Variants in NCAM1 observed in about 807,000 individuals in gnomAD.
NCAM1 encodes antigen recognized by monoclonal antibody 5.1H11.
In NCAM1, 14 loss-of-function variants were observed where a neutral mutation model predicts 109.8. The observed-to-expected ratio is 0.13, with a 90% CI of 0.08 to 0.20. The LOEUF (loss-of-function observed/expected upper bound fraction) is 0.20, where lower values mean the gene tolerates loss of function less well. Ranked by LOEUF, NCAM1 falls within the 10% of genes least tolerant of loss-of-function variation. The pLI is 1.00. For synonymous variants in NCAM1, 418 were observed against 442.9 expected, an observed-to-expected ratio of 0.94 and a Z score of 0.70; for missense variants, 774 against 1,109.9, an observed-to-expected ratio of 0.70 and a Z score of 4.30.
intron 1 of NCAM1, among the ~76,000 whole-genome samples, chr11:112,970,221 G>C (rs1950841515): frequency 6.6e-6 from 1 of 152,210 alleles, no homozygotes; most frequent in African/African-American, 2.4e-5. Context: ...TAAGAGGATA[G>C]TTAACAATAG....
intron 1 of NCAM1, among the ~76,000 whole-genome samples, chr11:113,135,007 G>A (rs1941546593): frequency 6.6e-6 from 1 of 151,956 alleles, no homozygotes; most frequent in Non-Finnish European, 1.5e-5. Flanking sequence ...CAGGGCTATG[G>A]GAACAAGACC....
rs1555112433 is a variant in NCAM1, at chr11:113,204,295, A to G, written c.137A>G (p.Asp46Gly). 3.1e-6 allele frequency: 5 copies of G among 1,610,408 alleles called. No homozygotes were observed. The change falls in exon 3 of 20, where the codon GAT becomes GGT. Residue 46 changes from aspartate to glycine, a missense_variant. Transcript: ENST00000316851. ...SKFFLCQVAG[D>G]AKDKDISWFS... ...ATCTCTTCCTCTTTAGTGGCAGGAG[A>G]TGCCAAAGATAAAGACATCTCCTGG... is the stretch of plus-strand genomic sequence containing the variant.
intron 1 of NCAM1, among the ~76,000 whole-genome samples, chr11:113,167,175 C>A (rs1172069512): frequency 6.6e-6 from 1 of 152,204 alleles, no homozygotes; most frequent in East Asian, 1.9e-4. Flanking sequence ...TGTGAAGAAT[C>A]CAGAACCCTG....
chr11:113,047,041 A>C (rs183079663), intron 1 of NCAM1, among the ~76,000 whole-genome samples: 1 of 152,236 alleles, frequency 6.6e-6, no homozygotes, highest in African/African-American at 2.4e-5. Flanking sequence ...CATGTAAACA[A>C]CATTTGCTGA....
rs1946407941 is a variant in NCAM1, at chr11:113,276,847, A to T, written c.*1460A>T. ...TAAGGGGGATGGGAGGGGGGGGAGA[A>T]GGGAAAAGCCAGCCCTTTGTATAGA... On this transcript the variant is annotated 3_prime_UTR_variant, in exon 20 of 20. Transcript: ENST00000316851. The T allele has an allele frequency of 6.6e-6, 1 of 152,120 alleles. No individual in the cohort carries two copies. Among genetic ancestry groups the T allele is most frequent in the Admixed American group, 6.6e-5 (1 of 15,230 alleles). The allele number at this position is 152,120 out of a possible 1,614,324, so 9.4% of individuals were successfully genotyped here. A position where few individuals can be genotyped will look rare whatever the true frequency, so the allele number is the denominator to read the frequency against.
intron 1 of NCAM1, among the ~76,000 whole-genome samples, chr11:113,100,553 G>A (rs782350304): frequency 3.9e-5 from 6 of 152,122 alleles, no homozygotes; most frequent in Non-Finnish European, 8.8e-5. Flanking sequence ...GTGGGATGGA[G>A]AGCTGGAAAG....
chr11:113,210,222 G>A (rs116595954), intron 7 of NCAM1, among the ~76,000 whole-genome samples: 13 of 152,254 alleles, frequency 8.5e-5, no homozygotes, highest in African/African-American at 3.1e-4. Flanking sequence ...TCAAACACAA[G>A]CAGAACACCT....
Position 112,962,472 on chromosome 11 carries a change from A to C in NCAM1, c.52+808A>C, listed in dbSNP as rs1950596838. 6.6e-6 allele frequency among the ~76,000 whole-genome samples: 1 copy of C among 151,854 alleles called. No homozygotes were observed. The highest frequency in any genetic ancestry group is 2.1e-4 in the South Asian group (1 of 4,808). On this transcript the variant is annotated intron_variant, in intron 1 of 19. Coordinates refer to ENST00000316851, the MANE Select transcript of NCAM1 (RefSeq NM_181351.5). This position sits in a 1 kb window ranked among gnomAD's most constrained non-coding sequence, Gnocchi z 5.6. ...CGCGTGTGCGCGCGTGTGTCTTTAC[A>C]CGCGCCGCGTGCCCAGTGTTGCACG...
chr11:113,210,775 AACACACAC>A (rs35387760), intron 7 of NCAM1, among the ~76,000 whole-genome samples: 1,561 of 130,970 alleles, frequency 0.012, 10 homozygotes, highest in Admixed American at 0.032. Flanking sequence ...CTTCATCACA[AACACACAC>A]ACACACACAC....
chr11:113,228,963 C>G (rs1944925605), intron 9 of NCAM1, among the ~76,000 whole-genome samples: 4 of 152,212 alleles, frequency 2.6e-5, no homozygotes, highest in South Asian at 2.1e-4. Context: ...AATGTTAGAC[C>G]TAAAACCATA....
At chr11:113,136,822 C>T (rs576951783) in intron 1 of NCAM1, among the ~76,000 whole-genome samples, 1 of 152,170 alleles carries the variant, frequency 6.6e-6, no homozygotes, top group South Asian at 2.1e-4. Flanking sequence ...GGAAGGCCGG[C>T]AATAGACAAC....
In NCAM1 at chr11:113,242,086, C is replaced by A. The variant is rs139366282; in HGVS notation, c.1826-4282C>A. 9.9e-3 allele frequency among the ~76,000 whole-genome samples: 1,511 copies of A among 152,330 alleles called. 22 individuals carry two copies. Among genetic ancestry groups the A allele is most frequent in the African/African-American group, 0.034 (1,407 of 41,564 alleles). On this transcript the variant is annotated intron_variant, in intron 14 of 19. Transcript: ENST00000316851. Reference sequence around the variant, plus strand: ...CCATAACCTAGGATAAGTCGCTAAGCCTCCCCAAGTCTCAGATTTCTTACC... The same window carrying A: ...CCATAACCTAGGATAAGTCGCTAAGACTCCCCAAGTCTCAGATTTCTTACC...
chr11:113,058,537 A>G (rs1310437871), intron 1 of NCAM1, among the ~76,000 whole-genome samples: 1 of 152,156 alleles, frequency 6.6e-6, no homozygotes, highest in African/African-American at 2.4e-5. Flanking sequence ...GCCTGTATTT[A>G]TAGACTCTTT....
intron 1 of NCAM1, among the ~76,000 whole-genome samples, chr11:113,064,723 C>T (rs1430397763): frequency 6.6e-6 from 1 of 152,128 alleles, no homozygotes; most frequent in Non-Finnish European, 1.5e-5. Context: ...AGCAAATTCT[C>T]ATGGATCACC....
At chr11:113,226,449 C>A (rs1027438107) in intron 9 of NCAM1, among the ~76,000 whole-genome samples, 1 of 152,176 alleles carries the variant, frequency 6.6e-6, no homozygotes, top group South Asian at 2.1e-4. Context: ...TAGAGGCCTA[C>A]GAAGAGGCTT....
At chr11:113,187,287 G>C (rs1943535279) in intron 1 of NCAM1, among the ~76,000 whole-genome samples, 1 of 152,172 alleles carries the variant, frequency 6.6e-6, no homozygotes, top group African/African-American at 2.4e-5. Context: ...CAAGACAAGA[G>C]CCAACCCTAG....
chr11:113,134,435 G>A (rs782163582), intron 1 of NCAM1, among the ~76,000 whole-genome samples: 3 of 152,144 alleles, frequency 2.0e-5, no homozygotes, highest in African/African-American at 7.2e-5. Context: ...GGGTCGCCGT[G>A]AACATGTGTA....
chr11:113,005,336 T>C (rs1473477067), intron 1 of NCAM1, among the ~76,000 whole-genome samples: 1 of 152,182 alleles, frequency 6.6e-6, no homozygotes. Context: ...TGAGACTTAC[T>C]GAATGATGAG....
chr11:113,000,631 G>A (rs1436998967), intron 1 of NCAM1, among the ~76,000 whole-genome samples: 1 of 151,686 alleles, frequency 6.6e-6, no homozygotes, highest in Admixed American at 6.6e-5. Context: ...AGGTACAGAT[G>A]GCATCTTCTG....
Sources: gnomAD v4.1 joint callset for allele counts (sites outside exome capture counted in the v4.1 genomes callset) on GRCh38, gnomAD v4.1.1 for gene constraint, Gnocchi (gnomAD v3.1) non-coding constraint, MANE v1.5 for transcripts, NCBI Gene and HGNC (gene_info 2026-07-23, HGNC 2026-07-21) for gene names.